The following ARHGAP20 variants were observed in gnomAD, a reference collection of about 807,000 sequenced individuals.
ARHGAP20 encodes the protein Rho GTPase activating protein 20, also known as rho GTPase-activating protein 20.
A neutral mutation model predicts 73.7 loss-of-function variants in ARHGAP20; 34 were observed. The observed-to-expected ratio is 0.46, with a 90% confidence interval of 0.35 to 0.61. ARHGAP20 has a LOEUF of 0.61. ARHGAP20 is among the 20% of genes least tolerant of loss of function. The pLI is 0.00. For synonymous variants in ARHGAP20, 523 were observed against 518.2 expected, an observed-to-expected ratio of 1.01 and a Z score of -0.13; for missense variants, 1,314 against 1,420.9, an observed-to-expected ratio of 0.92 and a Z score of 1.21.
intron 1 of ARHGAP20, among the ~76,000 whole-genome samples, chr11:110,697,924 T>C (rs1950368125): frequency 1.3e-5 from 2 of 151,786 alleles, no homozygotes; most frequent in African/African-American, 2.4e-5. Flanking sequence ...TTTGGTTCCA[T>C]ATGAACTTTA....
At chr11:110,631,236 G>C (rs1364866858) in intron 2 of ARHGAP20, among the ~76,000 whole-genome samples, 1 of 152,018 alleles carries the variant, frequency 6.6e-6, no homozygotes, top group Non-Finnish European at 1.5e-5. Flanking sequence ...AGAAATCTTA[G>C]GTGTATATCC....
intron 9 of ARHGAP20, among the ~76,000 whole-genome samples, chr11:110,598,185 T>TTC (rs1948019341): frequency 2.0e-5 from 3 of 151,186 alleles, no homozygotes; most frequent in African/African-American, 7.3e-5. Context: ...TTTTTTTTTT[T>TTC]CCCCTAGAGT....
intron 12 of ARHGAP20, among the ~76,000 whole-genome samples, chr11:110,585,318 T>C (rs1947633390): frequency 6.6e-6 from 1 of 152,130 alleles, no homozygotes; most frequent in Admixed American, 6.6e-5. Context: ...TTATAGGATA[T>C]ATAGCAACAC....
At chr11:110,639,167 C>A (rs770131182) in intron 2 of ARHGAP20, among the ~76,000 whole-genome samples, 5 of 151,836 alleles carry the variant, frequency 3.3e-5, no homozygotes, top group African/African-American at 1.2e-4. Flanking sequence ...TCTTGTGGAA[C>A]TAGTTTAGCT....
chr11:110,586,220 G>C lies in ARHGAP20; in HGVS notation c.1411C>G (p.Gln471Glu), dbSNP rs1207839599. 1 of 1,464,300 alleles carries C rather than the reference G, an allele frequency of 6.8e-7. No individual in the cohort carries two copies. Among genetic ancestry groups the C allele is most frequent in the East Asian group, 2.5e-5 (1 of 40,814 alleles). The allele number at this position is 1,464,300 out of a possible 1,614,324, so 90.7% of individuals were successfully genotyped here. A position where few individuals can be genotyped will look rare whatever the true frequency, so the allele number is the denominator to read the frequency against. Residue 471 changes from glutamine (Q) to glutamate (E), a missense_variant, in exon 12 of 15, where the codon CAA becomes GAA. By Grantham distance (29) the Gln-to-Glu change is conservative. Coordinates refer to ENST00000683387, the MANE Select transcript of ARHGAP20 (RefSeq NM_001384657.1). ...GNDEEKINTV[Q>E]RLLDQLPRAN... ...TGACCAAATTAGAATAATTACCTTT[G>C]AACAGTATTTATTTTCTCTTCATCA... is the stretch of plus-strand genomic sequence containing the variant.
At chr11:110,698,162 C>T (rs1054654665) in intron 1 of ARHGAP20, among the ~76,000 whole-genome samples, 7 of 151,734 alleles carry the variant, frequency 4.6e-5, no homozygotes, top group African/African-American at 9.7e-5. Context: ...GCCTTTTCTG[C>T]ATCTATTAAG....
chr11:110,577,793 A>G lies in ARHGAP20; in HGVS notation c.*1577T>C. 1.0e-6 allele frequency: 1 copy of G among 985,876 alleles called. No individual in the cohort carries two copies. Among genetic ancestry groups the G allele is most frequent in the Admixed American group, 6.1e-5 (1 of 16,290 alleles). 61.1% of individuals were successfully genotyped at this position (985,876 alleles called of 1,614,324 possible). ...GCCATGTCCCCAAGAGGTAGGTAGC[A>G]CCTATAGCTAATACTGAAATAACTT... On this transcript the variant is annotated 3_prime_UTR_variant, in exon 15 of 15. Coordinates refer to ENST00000683387, the MANE Select transcript of ARHGAP20 (RefSeq NM_001384657.1).
At chr11:110,627,514 C>T (rs1226328691) in intron 3 of ARHGAP20, among the ~76,000 whole-genome samples, 1 of 152,160 alleles carries the variant, frequency 6.6e-6, no homozygotes, top group East Asian at 1.9e-4. Flanking sequence ...ATGAAATACA[C>T]AGGATTCCAG....
At chr11:110,585,280 C>A (rs1200885548) in intron 12 of ARHGAP20, among the ~76,000 whole-genome samples, 1 of 151,966 alleles carries the variant, frequency 6.6e-6, no homozygotes, top group Non-Finnish European at 1.5e-5. Context: ...CATAATTTTA[C>A]CTTTTTCCAA....
At chr11:110,624,664 C>G (rs1948699419) in intron 3 of ARHGAP20, among the ~76,000 whole-genome samples, 1 of 151,786 alleles carries the variant, frequency 6.6e-6, no homozygotes, top group Non-Finnish European at 1.5e-5. Context: ...ATGGGAGTTT[C>G]TGTACTTGTG....
chr11:110,660,069 A>AAAAAACAAAAC (rs775570615), intron 2 of ARHGAP20, among the ~76,000 whole-genome samples: 27,997 of 146,866 alleles, frequency 0.19, 2,844 homozygotes, highest in South Asian at 0.31. Context: ...AACAAAAAAA[A>AAAAAACAAAAC]AAAAAAAAAG....
rs571083151 is a variant in ARHGAP20 at position 110,607,476 on chromosome 11, G to C, written c.776-727C>G. 2.0e-5 allele frequency among the ~76,000 whole-genome samples: 3 copies of C among 152,278 alleles called. No homozygotes were observed. In the South Asian group the frequency reaches 6.2e-4, roughly 32 times the overall value. On this transcript the variant is annotated intron_variant, in intron 8 of 14. Coordinates refer to ENST00000683387, the MANE Select transcript of ARHGAP20 (RefSeq NM_001384657.1). ...TGATTTTAACTCTTTAGTATTCTAA[G>C]TAATTACGTCCTTTTAGTGTAATCC...
intron 2 of ARHGAP20, among the ~76,000 whole-genome samples, chr11:110,641,055 CAG>C (rs1431497001): frequency 2.6e-5 from 4 of 151,956 alleles, no homozygotes; most frequent in Non-Finnish European, 5.9e-5. Context: ...GTTAGATAAA[CAG>C]AGTGAGCAAG....
chr11:110,599,271 T>C (rs949590309), intron 9 of ARHGAP20, among the ~76,000 whole-genome samples: 14 of 152,234 alleles, frequency 9.2e-5, no homozygotes, highest in African/African-American at 3.4e-4. Context: ...GGCTTCTCCC[T>C]GCTGTCGGCA....
intron 2 of ARHGAP20, among the ~76,000 whole-genome samples, chr11:110,664,727 C>CAAAAA (rs34643863): frequency 9.1e-5 from 8 of 88,300 alleles, no homozygotes; most frequent in Admixed American, 2.4e-4. Context: ...GACTCCGTCT[C>CAAAAA]AAAAAAAAAA....
At chr11:110,659,551 G>T (rs1042267970) in intron 2 of ARHGAP20, among the ~76,000 whole-genome samples, 1 of 151,718 alleles carries the variant, frequency 6.6e-6, no homozygotes, top group African/African-American at 2.4e-5. Flanking sequence ...CTGTGCAGAA[G>T]CTCTTTAGTT....
intron 1 of ARHGAP20, 148 bp downstream of exon 1, chr11:110,711,979 T>C (rs1436144025): frequency 1.1e-5 from 14 of 1,246,518 alleles, no homozygotes; most frequent in Non-Finnish European, 1.4e-5. Flanking sequence ...CGGGAAGTGT[T>C]CTGGGACTCT....
chr11:110,614,055 T>A (rs1948430111), intron 6 of ARHGAP20, among the ~76,000 whole-genome samples: 1 of 152,160 alleles, frequency 6.6e-6, no homozygotes, highest in Non-Finnish European at 1.5e-5. Context: ...CTTAAAAATG[T>A]CACCTCTCCT....
chr11:110,606,641 A>G lies in ARHGAP20; in HGVS notation c.884T>C (p.Leu295Pro), dbSNP rs146821706. 22 of 1,611,860 alleles carry G rather than the reference A, an allele frequency of 1.4e-5. No individual in the cohort carries two copies. The African/African-American group carries it at 2.9e-4, about 22-fold the overall frequency. ...TTPFNLQEPF[L>P]MEQLPREMQC... ...CATCTCTCGGGGGAGCTGTTCCATA[A>G]GGAAGGGCTCCTGGAGGTTGAAAGG... The change falls in exon 9 of 15, where the codon CTT becomes CCT. Residue 295 changes from leucine to proline, a missense_variant. Coordinates refer to ENST00000683387, the MANE Select transcript of ARHGAP20 (RefSeq NM_001384657.1).
Sources: gnomAD v4.1 joint callset for allele counts (sites outside exome capture counted in the v4.1 genomes callset) on GRCh38, gnomAD v4.1.1 for gene constraint, MANE v1.5 for transcripts, NCBI Gene and HGNC (gene_info 2026-07-23, HGNC 2026-07-21) for gene names.